Variants in TENM2 observed in about 807,000 individuals in gnomAD.
TENM2 encodes the protein teneurin transmembrane protein 2, also known as teneurin-2.
In TENM2, 52 loss-of-function variants were observed where a neutral mutation model predicts 245.2. The ratio of observed to expected loss-of-function variants is 0.21; its 90% CI spans 0.17 to 0.27. The LOEUF (loss-of-function observed/expected upper bound fraction) is 0.27. TENM2 is among the 10% of genes least tolerant of loss of function. The pLI is 1.00. For missense variants in TENM2, 3,046 were observed against 3,666.8 expected (o/e 0.83, Z 4.37); for synonymous variants, 1,363 against 1,438.9 (o/e 0.95, Z 1.19).
chr5:167,887,803 T>C (rs1774409630), intron 3 of TENM2, among the ~76,000 whole-genome samples: 1 of 152,194 alleles, frequency 6.6e-6, no homozygotes, highest in South Asian at 2.1e-4. Context: ...TGAAAACAAC[T>C]GAATATTATT....
intron 2 of TENM2, among the ~76,000 whole-genome samples, chr5:167,644,249 A>G (rs1779791289): frequency 6.6e-6 from 1 of 152,244 alleles, no homozygotes; most frequent in South Asian, 2.1e-4. Context: ...CAAATTAAAC[A>G]AACTTGGTAA....
intron 2 of TENM2, among the ~76,000 whole-genome samples, chr5:167,843,381 A>G (rs1769728004): frequency 1.3e-5 from 2 of 152,218 alleles, no homozygotes; most frequent in African/African-American, 2.4e-5. Context: ...ACATATACAT[A>G]GTAGACACTT....
chr5:168,211,881 T>A, intron 20 of TENM2, 127 bp downstream of exon 22: 1 of 577,786 alleles, frequency 1.7e-6, no homozygotes, highest in Middle Eastern at 4.6e-4. Flanking sequence ...GTAACTTTTT[T>A]ATGTGCTAAT....
intron 7 of TENM2, chr5:168,087,255 A>C (rs948211283): frequency 6.6e-6 from 1 of 152,252 alleles, no homozygotes; most frequent in African/African-American, 2.4e-5. Flanking sequence ...AATAGAGTGG[A>C]ATTTGACCAA....
chr5:167,298,423 G>GAAAC (rs1483343115), intron 1 of TENM2, among the ~76,000 whole-genome samples: 1 of 152,182 alleles, frequency 6.6e-6, no homozygotes, highest in African/African-American at 2.4e-5. Flanking sequence ...CTAACACGGT[G>GAAAC]AAACCCCTTC....
At chr5:167,713,219 C>A (rs1460698200) in intron 2 of TENM2, among the ~76,000 whole-genome samples, 2 of 151,794 alleles carry the variant, frequency 1.3e-5, no homozygotes, top group Non-Finnish European at 2.9e-5. Flanking sequence ...ATTTTTCCTA[C>A]CCCCTACGAA....
chr5:167,508,060 C>T (rs1769673308), intron 2 of TENM2, among the ~76,000 whole-genome samples: 1 of 152,168 alleles, frequency 6.6e-6, no homozygotes, highest in African/African-American at 2.4e-5. Context: ...CCCCACTGAA[C>T]ATGTGGAAAC....
At chr5:167,080,292 G>C in the TENM2 span, among the ~76,000 whole-genome samples, 1 of 151,962 alleles carries the variant, frequency 6.6e-6, no homozygotes, top group African/African-American at 2.4e-5. Flanking sequence ...ATTATCCTTT[G>C]TGTTGGTGAC....
chr5:168,227,478 G>A (rs919728258), intron 24 of TENM2, among the ~76,000 whole-genome samples: 5 of 99,344 alleles, frequency 5.0e-5, no homozygotes, highest in African/African-American at 3.3e-4. Context: ...TGGGTTAGAC[G>A]GCAGGCAAAA....
chr5:167,816,079 G>A (rs1767034950), intron 2 of TENM2, among the ~76,000 whole-genome samples: 2 of 151,138 alleles, frequency 1.3e-5, no homozygotes, highest in Admixed American at 1.3e-4. Flanking sequence ...AAAACAACAG[G>A]GAAACAATAG....
At chr5:168,204,455 C>A in exon 19 of TENM2, 5 of 1,613,982 alleles carry the variant, frequency 3.1e-6, no homozygotes, top group Non-Finnish European at 4.2e-6. Flanking sequence ...CAATGGTCGC[C>A]GCCGGAGCAT....
At chr5:167,560,153 A>G (rs1023142904) in intron 2 of TENM2, among the ~76,000 whole-genome samples, 1 of 152,168 alleles carries the variant, frequency 6.6e-6, no homozygotes, top group Non-Finnish European at 1.5e-5. Flanking sequence ...CTGGTTAGCA[A>G]TACAGAATCC....
At chr5:167,240,213 C>T in the TENM2 span, among the ~76,000 whole-genome samples, 2 of 151,694 alleles carry the variant, frequency 1.3e-5, no homozygotes, top group African/African-American at 2.4e-5. Context: ...AGCATCATTC[C>T]TCTAAAGAAC....
intron 2 of TENM2, among the ~76,000 whole-genome samples, chr5:167,839,719 A>G (rs1345150638): frequency 1.3e-5 from 2 of 152,242 alleles, no homozygotes; most frequent in Non-Finnish European, 2.9e-5. Context: ...CAGTTTCTCT[A>G]AGGAAGGAAT....
chr5:167,382,240 G>T (rs1761132837), intron 2 of TENM2, among the ~76,000 whole-genome samples: 1 of 152,146 alleles, frequency 6.6e-6, no homozygotes, highest in Non-Finnish European at 1.5e-5. Context: ...GGAGGAAAAT[G>T]ACTTTGTGCT....
intron 2 of TENM2, among the ~76,000 whole-genome samples, chr5:167,809,215 C>T (rs1766452043): frequency 6.6e-6 from 1 of 152,176 alleles, no homozygotes; most frequent in Admixed American, 6.6e-5. Context: ...ACTCCAGTTT[C>T]ATCCAGAGAA....
intron 12 of TENM2, among the ~76,000 whole-genome samples, chr5:168,153,388 T>C (rs1022553871): frequency 6.6e-6 from 1 of 152,122 alleles, no homozygotes; most frequent in African/African-American, 2.4e-5. Context: ...TGAGGAGTGC[T>C]ACAGAGAAGG....
At chr5:167,247,986 A>G in the TENM2 span, among the ~76,000 whole-genome samples, 1 of 152,164 alleles carries the variant, frequency 6.6e-6, no homozygotes, top group Non-Finnish European at 1.5e-5. Context: ...GAGAAACCTC[A>G]TTTTCAAAAC....
At chr5:167,366,958 C>G (rs2127285528) in intron 1 of TENM2, among the ~76,000 whole-genome samples, 1 of 152,268 alleles carries the variant, frequency 6.6e-6, no homozygotes, top group Admixed American at 6.5e-5. Context: ...CTCCAACTAG[C>G]CAGGCTCCTG....
Sources: allele counts gnomAD v4.1 joint callset (sites outside exome capture counted in the v4.1 genomes callset), GRCh38; gene constraint gnomAD v4.1.1; transcripts MANE v1.5; gene names NCBI Gene and HGNC (gene_info 2026-07-23, HGNC 2026-07-21).